Variants in PEAK1 observed in about 807,000 individuals in gnomAD.
The protein encoded by PEAK1 is inactive tyrosine-protein kinase PEAK1.
A neutral mutation model predicts 124.7 loss-of-function variants in PEAK1; 54 were observed. The observed-to-expected ratio is 0.43, with a 90% CI of 0.35 to 0.54. PEAK1 has a LOEUF of 0.54. Among genes scored for constraint, PEAK1 ranks in the 20% least tolerant of loss-of-function variants. PEAK1 has a pLI of 0.01. For synonymous variants in PEAK1, 719 were observed against 760.0 expected (o/e 0.95, Z 0.89); for missense variants, 2,046 against 2,134.5 (o/e 0.96, Z 0.82).
Position 77,305,822 on chromosome 15 carries a change from T to C in PEAK1, c.-602-19318A>G, listed in dbSNP as rs570046959. 2.5e-4 allele frequency among the ~76,000 whole-genome samples: 38 copies of C among 152,358 alleles called. 1 individual carries two copies. The highest frequency in any genetic ancestry group is 7.7e-4 in the African/African-American group (32 of 41,580). On this transcript the variant is annotated intron_variant, in intron 2 of 9. Transcript: ENST00000682557. ...TTTAAATCATCTCTGGATTACTTGC[T>C]ATGTAAATAGTTGTGATACTGTATT...
intron 1 of PEAK1, chr15:77,401,705 A>T (rs1328791899): frequency 1.0e-6 from 1 of 984,300 alleles, no homozygotes; most frequent in Non-Finnish European, 1.2e-6. Flanking sequence ...ATAATGTCAA[A>T]TGCATGAAAT....
chr15:77,298,451 C>T (rs1359698272), intron 2 of PEAK1, among the ~76,000 whole-genome samples: 1 of 151,608 alleles, frequency 6.6e-6, no homozygotes, highest in Non-Finnish European at 1.5e-5. Flanking sequence ...ATCTCCTGAC[C>T]TCATGATCTG....
At chr15:77,227,253 T>C (rs1240921789) in intron 6 of PEAK1, among the ~76,000 whole-genome samples, 1 of 152,196 alleles carries the variant, frequency 6.6e-6, no homozygotes, top group Non-Finnish European at 1.5e-5. Context: ...ACCATTCTTA[T>C]TACATATTTT....
At chr15:77,299,601 G>GT (rs1822879725) in intron 2 of PEAK1, among the ~76,000 whole-genome samples, 1 of 152,150 alleles carries the variant, frequency 6.6e-6, no homozygotes. Context: ...TAGTTCTAAA[G>GT]TTTTTCCTTG....
intron 5 of PEAK1, among the ~76,000 whole-genome samples, chr15:77,268,495 C>T (rs1474249752): frequency 3.3e-5 from 5 of 151,372 alleles, no homozygotes; most frequent in African/African-American, 1.2e-4. Flanking sequence ...AAGAACAAAG[C>T]TTCCAAGAAG....
intron 7 of PEAK1, among the ~76,000 whole-genome samples, chr15:77,161,877 A>G (rs1206173965): frequency 6.7e-6 from 1 of 149,594 alleles, no homozygotes; most frequent in African/African-American, 2.5e-5. Context: ...GAGGCAGGAC[A>G]ATTGCTTGAA....
intron 6 of PEAK1, among the ~76,000 whole-genome samples, chr15:77,248,304 G>A (rs2060688491): frequency 6.6e-6 from 1 of 152,126 alleles, no homozygotes; most frequent in African/African-American, 2.4e-5. Context: ...AATTAACTTT[G>A]AGAATGATAT....
intron 6 of PEAK1, among the ~76,000 whole-genome samples, chr15:77,230,700 CA>C (rs1412528125): frequency 6.6e-6 from 1 of 152,002 alleles, no homozygotes; most frequent in African/African-American, 2.4e-5. Flanking sequence ...AGTTTGAGAC[CA>C]GCCTGGGCAA....
Position 77,317,163 on chromosome 15 carries a change from G to A in PEAK1, c.-602-30659C>T, listed in dbSNP as rs1449982048. ...TTCAATAATAACAAAAGCTTACTAT[G>A]TGCATAGAAAAAAAATACAACAAAG... is the stretch of plus-strand genomic sequence containing the variant. On this transcript the variant is annotated intron_variant, in intron 2 of 9. Coordinates refer to ENST00000682557, the MANE Select transcript of PEAK1 (RefSeq NM_001385026.1). Among the ~76,000 whole-genome samples the A allele has an allele frequency of 2.0e-5, 3 of 152,122 alleles. No individual in the cohort carries two copies. In the East Asian group the frequency reaches 5.8e-4, roughly 29 times the overall value.
chr15:77,293,158 CTAAAACCACTA>C (rs921681923), intron 2 of PEAK1, among the ~76,000 whole-genome samples: 2 of 152,190 alleles, frequency 1.3e-5, no homozygotes, highest in Non-Finnish European at 2.9e-5. Flanking sequence ...CTCCCCCTGC[CTAAAACCACTA>C]CTGTTATCAC....
chr15:77,280,176 T>C (rs1406778199), intron 5 of PEAK1, among the ~76,000 whole-genome samples: 1 of 151,984 alleles, frequency 6.6e-6, no homozygotes, highest in African/African-American at 2.4e-5. Context: ...TCTCAGTCTC[T>C]AGTAAATACA....
At chr15:77,418,052 A>G in intron 1 of PEAK1, 1 of 983,178 alleles carries the variant, frequency 1.0e-6, no homozygotes. Flanking sequence ...ATGAAGTGGC[A>G]TTATTTCTTC....
At position 77,115,541 on chromosome 15, in the gene PEAK1, T is replaced by C. The variant is rs554880168; in HGVS notation, c.4078-222A>G. On this transcript the variant is annotated intron_variant, in intron 9 of 9. Coordinates refer to ENST00000682557, the MANE Select transcript of PEAK1 (RefSeq NM_001385026.1). Reference sequence around the variant, plus strand: ...GTGAGCACTTTAAGTGTACCATTTTTAGTCCTCACATTAACCTTTCACAGT... The same window carrying C: ...GTGAGCACTTTAAGTGTACCATTTTCAGTCCTCACATTAACCTTTCACAGT... 4.6e-5 allele frequency among the ~76,000 whole-genome samples: 7 copies of C among 152,318 alleles called. No homozygotes were observed. In the East Asian group the frequency reaches 1.4e-3, roughly 29 times the overall value.
chr15:77,349,165 G>C, intron 2 of PEAK1: 3 of 414,812 alleles, frequency 7.2e-6, no homozygotes, highest in Non-Finnish European at 9.7e-6. Context: ...TCAGCCTCCC[G>C]AGTAGCTGGG....
At chr15:77,204,681 A>C (rs2058545146) in intron 6 of PEAK1, 1 of 152,572 alleles carries the variant, frequency 6.6e-6, no homozygotes, top group Non-Finnish European at 1.5e-5. Context: ...GAGGCAGGTG[A>C]ATCACAAGGT....
chr15:77,273,858 A>G (rs932080137), intron 5 of PEAK1, among the ~76,000 whole-genome samples: 2 of 152,158 alleles, frequency 1.3e-5, no homozygotes, highest in Admixed American at 6.6e-5. Context: ...TGGAGGCATC[A>G]CATTACCCAA....
At position 77,111,301 on chromosome 15, in the gene PEAK1, G is replaced by C. The variant is rs2050961831; in HGVS notation, c.*2855C>G. The C allele has an allele frequency of 6.6e-6, 1 of 152,158 alleles. No individual in the cohort carries two copies. Among genetic ancestry groups the C allele is most frequent in the African/African-American group, 2.4e-5 (1 of 41,422 alleles). The allele number at this position is 152,158 out of a possible 1,614,324, so 9.4% of individuals were successfully genotyped here. On this transcript the variant is annotated 3_prime_UTR_variant, in exon 10 of 10. Coordinates refer to ENST00000682557, the MANE Select transcript of PEAK1 (RefSeq NM_001385026.1). ...TTTCCAGTTGATGAACAAATTCAAAGGTCCTACCACAATTAAAATGAAAAA... is the reference window on the plus strand; with the variant it reads ...TTTCCAGTTGATGAACAAATTCAAACGTCCTACCACAATTAAAATGAAAAA...
At chr15:77,403,751 G>A (rs892941526) in intron 1 of PEAK1, 7 of 966,952 alleles carry the variant, frequency 7.2e-6, no homozygotes, top group South Asian at 9.5e-5. Context: ...AAAATAAAGC[G>A]TAAGATGTTA....
rs1478437029 is a variant in PEAK1, at chr15:77,133,542, A to G, written c.3540T>C (p.Leu1180=). The part of the protein sequence containing the change: ...KDLQKSMESS[L]CVMANPTYDI... ...CATAGGTGGGATTAGCCATGACACA[A>G]AGACTACTTTCCATGGATTTTTGGA... The change falls in exon 9 of 10, where the codon CTT becomes CTC. Residue 1180 remains leucine, a synonymous_variant. Transcript: ENST00000682557. The surrounding 1 kb of genome is among the most constrained non-coding windows in gnomAD (Gnocchi z 4.2). 6.2e-7 allele frequency: 1 copy of G among 1,614,148 alleles called. No individual in the cohort carries two copies. Among genetic ancestry groups the G allele is most frequent in the Admixed American group, 1.7e-5 (1 of 60,018 alleles).
Sources: gnomAD v4.1 joint callset for allele counts (sites outside exome capture counted in the v4.1 genomes callset) on GRCh38, gnomAD v4.1.1 for gene constraint, Gnocchi (gnomAD v3.1) non-coding constraint, MANE v1.5 for transcripts, NCBI Gene and HGNC (gene_info 2026-07-23, HGNC 2026-07-21) for gene names.